Variants in ZCCHC7 observed in about 807,000 individuals in gnomAD.
ZCCHC7 encodes zinc finger CCHC domain-containing protein 7.
A neutral mutation model predicts 52.0 loss-of-function variants in ZCCHC7; 35 were observed. That is an observed-to-expected ratio of 0.67 (90% CI 0.51 to 0.89). The LOEUF is 0.89. Ranked by LOEUF, ZCCHC7 falls within the 40% of genes least tolerant of loss-of-function variation. ZCCHC7 has a pLI of 0.00. For synonymous variants in ZCCHC7, 217 were observed against 221.5 expected (o/e 0.98, Z 0.18); for missense variants, 574 against 649.1 (o/e 0.88, Z 1.26).
At chr9:37,211,339 TGTA>T (rs1824203156) in intron 2 of ZCCHC7, among the ~76,000 whole-genome samples, 1 of 152,232 alleles carries the variant, frequency 6.6e-6, no homozygotes, top group African/African-American at 2.4e-5. Context: ...TGGTTTTACT[TGTA>T]GGGTTTTTTG....
At chr9:37,148,615 A>G (rs1843546381) in intron 2 of ZCCHC7, among the ~76,000 whole-genome samples, 1 of 152,022 alleles carries the variant, frequency 6.6e-6, no homozygotes, top group Non-Finnish European at 1.5e-5. Flanking sequence ...TTGCAGTGAT[A>G]ACTCATAGAT....
At chr9:37,264,062 ACTAT>A (rs1826986461) in intron 2 of ZCCHC7, among the ~76,000 whole-genome samples, 2 of 152,124 alleles carry the variant, frequency 1.3e-5, no homozygotes, top group Non-Finnish European at 2.9e-5. Context: ...TTAAACTAAT[ACTAT>A]CTCTTTGCTT....
Position 37,357,404 on chromosome 9 carries a change from T to A in ZCCHC7, c.*136T>A. ...TTGTTTTTTTAATTTCAGCCATTCCTAGAGTTACTGAATATCCATGGAGAT... is the reference window on the plus strand; with the variant it reads ...TTGTTTTTTTAATTTCAGCCATTCCAAGAGTTACTGAATATCCATGGAGAT... On this transcript the variant is annotated 3_prime_UTR_variant, in exon 9 of 9. Transcript: ENST00000336755. 1 of 753,504 alleles carries A rather than the reference T, an allele frequency of 1.3e-6. No homozygotes were observed. The highest frequency in any genetic ancestry group is 2.0e-6 in the Non-Finnish European group (1 of 497,258). The allele number at this position is 753,504 out of a possible 1,614,324, so 46.7% of individuals were successfully genotyped here. A position where few individuals can be genotyped will look rare whatever the true frequency, so the allele number is the denominator to read the frequency against.
chr9:37,320,987 C>CTTTTTT (rs11303114), intron 5 of ZCCHC7, among the ~76,000 whole-genome samples: 115 of 115,978 alleles, frequency 9.9e-4, no homozygotes, highest in Non-Finnish European at 1.4e-3. Flanking sequence ...TTTCTTTTTT[C>CTTTTTT]TTTTTTTTTT....
At chr9:37,256,403 A>T (rs182339099) in intron 2 of ZCCHC7, among the ~76,000 whole-genome samples, 1 of 152,222 alleles carries the variant, frequency 6.6e-6, no homozygotes, top group African/African-American at 2.4e-5. Flanking sequence ...ACCTTTTTCA[A>T]TGTGTTGACA....
At chr9:37,161,064 C>T (rs937216982) in intron 2 of ZCCHC7, among the ~76,000 whole-genome samples, 20 of 151,434 alleles carry the variant, frequency 1.3e-4, no homozygotes, top group African/African-American at 7.3e-5. Context: ...GTTCTCTTAT[C>T]TCAGCCTCCC....
intron 2 of ZCCHC7, among the ~76,000 whole-genome samples, chr9:37,235,606 C>G (rs1322056342): frequency 7.7e-6 from 1 of 130,398 alleles, no homozygotes; most frequent in Non-Finnish European, 1.6e-5. Flanking sequence ...TTTTTCTTTT[C>G]TTTCAAGACA....
chr9:37,256,671 C>T (rs1241270016), intron 2 of ZCCHC7, among the ~76,000 whole-genome samples: 1 of 152,102 alleles, frequency 6.6e-6, no homozygotes, highest in South Asian at 2.1e-4. Context: ...AAATAAAACT[C>T]GGTGAACCAG....
chr9:37,161,073 C>G (rs917742784), intron 2 of ZCCHC7, among the ~76,000 whole-genome samples: 5 of 151,288 alleles, frequency 3.3e-5, no homozygotes, highest in African/African-American at 1.2e-4. Context: ...TCTCAGCCTC[C>G]CGAGTAGCTG....
intron 2 of ZCCHC7, among the ~76,000 whole-genome samples, chr9:37,227,978 G>T (rs1176232430): frequency 6.6e-6 from 1 of 152,054 alleles, no homozygotes; most frequent in Admixed American, 6.6e-5. Flanking sequence ...TGGAATTTTA[G>T]TAGAGACAGG....
chr9:37,277,621 G>A (rs2133547457), intron 2 of ZCCHC7, among the ~76,000 whole-genome samples: 1 of 152,312 alleles, frequency 6.6e-6, no homozygotes, highest in Admixed American at 6.5e-5. Flanking sequence ...AGTATTTTAT[G>A]CTTGAGGGCA....
At chr9:37,191,827 A>G (rs773002725) in intron 2 of ZCCHC7, among the ~76,000 whole-genome samples, 11 of 152,236 alleles carry the variant, frequency 7.2e-5, no homozygotes, top group Non-Finnish European at 1.3e-4. Flanking sequence ...ACAACAATGC[A>G]AGGAAGCCTT....
At chr9:37,334,434 C>T (rs1029366092) in intron 6 of ZCCHC7, among the ~76,000 whole-genome samples, 7 of 151,860 alleles carry the variant, frequency 4.6e-5, no homozygotes, top group Admixed American at 6.6e-5. Flanking sequence ...TTGGATCGAT[C>T]GTTTGAATAA....
At chr9:37,172,506 A>C (rs1821784124) in intron 2 of ZCCHC7, among the ~76,000 whole-genome samples, 1 of 152,188 alleles carries the variant, frequency 6.6e-6, no homozygotes, top group African/African-American at 2.4e-5. Context: ...GTTATTTTTA[A>C]AGGCATTTCT....
chr9:37,233,678 G>A lies in ZCCHC7; in HGVS notation c.611-68510G>A, dbSNP rs190247603. Among the ~76,000 whole-genome samples the A allele has an allele frequency of 2.1e-4, 32 of 152,206 alleles. No homozygotes were observed. In the East Asian group the frequency reaches 5.8e-3, roughly 28 times the overall value. ...TCAGGCATTCATTCACCATCTTTTA[G>A]TATTGCAGTGGAGCCACAGAATTAC... On this transcript the variant is annotated intron_variant, in intron 2 of 8. Transcript: ENST00000336755.
At chr9:37,259,863 A>G (rs886066693) in intron 2 of ZCCHC7, among the ~76,000 whole-genome samples, 1 of 152,308 alleles carries the variant, frequency 6.6e-6, no homozygotes, top group Middle Eastern at 3.4e-3. Context: ...TGGAAACATT[A>G]AATTTAAAAT....
intron 2 of ZCCHC7, among the ~76,000 whole-genome samples, chr9:37,174,624 G>C (rs578095518): frequency 6.6e-6 from 1 of 152,158 alleles, no homozygotes; most frequent in Non-Finnish European, 1.5e-5. Context: ...ACAAGTTTAT[G>C]TTGAAGGATA....
intron 2 of ZCCHC7, among the ~76,000 whole-genome samples, chr9:37,178,827 C>T (rs1822196965): frequency 6.6e-6 from 1 of 152,110 alleles, no homozygotes; most frequent in Non-Finnish European, 1.5e-5. Context: ...CTTGCTAACT[C>T]TAGGTGACTA....
At chr9:37,134,604 C>T (rs77945177) in intron 2 of ZCCHC7, among the ~76,000 whole-genome samples, 2,669 of 152,304 alleles carry the variant, frequency 0.018, 43 homozygotes, top group Non-Finnish European at 0.029. Flanking sequence ...TCTGTCCAGT[C>T]GCCATCCTGT....
Sources: gnomAD v4.1 joint callset for allele counts (sites outside exome capture counted in the v4.1 genomes callset) on GRCh38, gnomAD v4.1.1 for gene constraint, MANE v1.5 for transcripts, NCBI Gene and HGNC (gene_info 2026-07-23, HGNC 2026-07-21) for gene names.